The following ANKRD6 variants were observed in gnomAD, a reference collection of about 807,000 sequenced individuals.
The protein encoded by ANKRD6 is ankyrin repeat domain-containing protein 6.
ANKRD6 carries 56 observed loss-of-function variants against 82.3 expected under a neutral mutation model. The ratio of observed to expected loss-of-function variants is 0.68; its 90% confidence interval spans 0.55 to 0.85. The LOEUF (loss-of-function observed/expected upper bound fraction) is 0.85. Among genes scored for constraint, ANKRD6 ranks in the 40% least tolerant of loss-of-function variants. ANKRD6 has a pLI of 0.00. For missense variants in ANKRD6, 852 were observed against 907.6 expected (o/e 0.94, Z 0.79); for synonymous variants, 347 against 352.1 (o/e 0.99, Z 0.16).
chr6:89,450,389 A>G lies in ANKRD6; in HGVS notation c.-144+17014A>G, dbSNP rs183105012. Among the ~76,000 whole-genome samples the G allele has an allele frequency of 1.7e-3, 253 of 152,220 alleles. 1 individual carries two copies. Among genetic ancestry groups the G allele is most frequent in the African/African-American group, 5.9e-3 (243 of 41,520 alleles). ...ATGAAATTGCAACAGCCACCCCAAC[A>G]TTCAACAACGATCACCCTGATCAGT... is the stretch of plus-strand genomic sequence containing the variant. On this transcript the variant is annotated intron_variant, in intron 1 of 15. Coordinates refer to ENST00000339746, the MANE Select transcript of ANKRD6 (RefSeq NM_001242809.2).
intron 2 of ANKRD6, among the ~76,000 whole-genome samples, chr6:89,574,979 G>T (rs1420300963): frequency 6.6e-6 from 1 of 152,204 alleles, no homozygotes; most frequent in Non-Finnish European, 1.5e-5. Context: ...TTTATGCTTA[G>T]GTTCAAAAGA....
intron 2 of ANKRD6, among the ~76,000 whole-genome samples, chr6:89,588,799 A>T (rs538912727): frequency 6.6e-6 from 1 of 152,192 alleles, no homozygotes; most frequent in South Asian, 2.1e-4. Context: ...TGAGGTCAGG[A>T]GTTCGAGACC....
At chr6:89,593,457 C>T (rs1029563090) in intron 2 of ANKRD6, among the ~76,000 whole-genome samples, 2 of 152,226 alleles carry the variant, frequency 1.3e-5, no homozygotes, top group African/African-American at 2.4e-5. Context: ...AAAGGTCACT[C>T]TTCATCTCAG....
At chr6:89,630,384 C>T (rs1483299124) in intron 15 of ANKRD6, 49 bp from the exon 16 acceptor site, 3 of 1,568,750 alleles carry the variant, frequency 1.9e-6, no homozygotes, top group Non-Finnish European at 2.6e-6. Context: ...AGCCATATGA[C>T]TGTGTGAATG....
In ANKRD6 at chr6:89,631,134, A is replaced by G. The variant is rs1807322457; in HGVS notation, c.*130A>G. 4.3e-6 allele frequency: 6 copies of G among 1,391,458 alleles called. No individual in the cohort carries two copies. Among genetic ancestry groups the G allele is most frequent in the Non-Finnish European group, 5.6e-6 (6 of 1,072,376 alleles). 86.2% of individuals were successfully genotyped at this position (1,391,458 alleles called of 1,614,324 possible). On this transcript the variant is annotated 3_prime_UTR_variant, in exon 16 of 16. Coordinates refer to ENST00000339746, the MANE Select transcript of ANKRD6 (RefSeq NM_001242809.2). ...CCTTTTTAAAAAAATCACTAATTCT[A>G]CAATGTGCCAGATACATGTTTCCTA...
chr6:89,607,923 C>T (rs1333307115), intron 5 of ANKRD6, among the ~76,000 whole-genome samples: 3 of 104,068 alleles, frequency 2.9e-5, no homozygotes, highest in Non-Finnish European at 6.0e-5. Flanking sequence ...TGGGCATGTG[C>T]CCCCACGCCT....
intron 1 of ANKRD6, among the ~76,000 whole-genome samples, chr6:89,549,931 A>T (rs1462508983): frequency 1.3e-5 from 2 of 152,052 alleles, no homozygotes; most frequent in Non-Finnish European, 2.9e-5. Flanking sequence ...AGAAAAGAAA[A>T]AAAAAGAAAA....
intron 1 of ANKRD6, among the ~76,000 whole-genome samples, chr6:89,531,090 A>G (rs1783084849): frequency 6.6e-6 from 1 of 152,218 alleles, no homozygotes; most frequent in Non-Finnish European, 1.5e-5. Context: ...TTGTGGCTGC[A>G]CACCTCAGAG....
At chr6:89,563,509 A>G (rs1185192025) in intron 1 of ANKRD6, among the ~76,000 whole-genome samples, 3 of 152,214 alleles carry the variant, frequency 2.0e-5, no homozygotes, top group Non-Finnish European at 4.4e-5. Context: ...TACATTTCTC[A>G]CTGCCAGCAA....
intron 1 of ANKRD6, among the ~76,000 whole-genome samples, chr6:89,461,303 A>G (rs1448083116): frequency 6.6e-6 from 1 of 152,198 alleles, no homozygotes; most frequent in African/African-American, 2.4e-5. Context: ...TGAAATTGGG[A>G]TAAGCAGTTT....
intron 1 of ANKRD6, among the ~76,000 whole-genome samples, chr6:89,528,723 A>G (rs1328659840): frequency 6.6e-6 from 1 of 152,226 alleles, no homozygotes; most frequent in Non-Finnish European, 1.5e-5. Context: ...TACAAAATGT[A>G]TTAAGACTTG....
intron 1 of ANKRD6, among the ~76,000 whole-genome samples, chr6:89,530,679 C>T (rs906462940): frequency 2.6e-5 from 4 of 152,286 alleles, no homozygotes; most frequent in African/African-American, 9.6e-5. Flanking sequence ...CAGTCAGGGC[C>T]AGCAGGAAGG....
intron 2 of ANKRD6, among the ~76,000 whole-genome samples, chr6:89,574,493 A>G (rs1473291336): frequency 1.3e-5 from 2 of 152,366 alleles, no homozygotes; most frequent in African/African-American, 4.8e-5. Flanking sequence ...CTAAGTGGAC[A>G]TAAAATATTG....
chr6:89,444,918 A>G (rs1353864373), intron 1 of ANKRD6, among the ~76,000 whole-genome samples: 2 of 152,150 alleles, frequency 1.3e-5, no homozygotes, highest in Admixed American at 1.3e-4. Flanking sequence ...CAGTGAGCCA[A>G]GATCACACCA....
At chr6:89,617,052 C>T (rs1801753526) in intron 8 of ANKRD6, 1 of 407,712 alleles carries the variant, frequency 2.5e-6, no homozygotes, top group African/African-American at 2.0e-5. Context: ...ACTCCTTTCT[C>T]TTCCACTTTG....
intron 5 of ANKRD6, among the ~76,000 whole-genome samples, chr6:89,611,614 CA>C (rs1359424134): frequency 1.3e-5 from 2 of 152,148 alleles, no homozygotes; most frequent in African/African-American, 4.8e-5. Context: ...AAGAAGGACC[CA>C]AAAAGCAAGA....
chr6:89,548,234 C>T (rs1785363414), intron 1 of ANKRD6, among the ~76,000 whole-genome samples: 1 of 152,210 alleles, frequency 6.6e-6, no homozygotes, highest in Admixed American at 6.5e-5. Context: ...TACTTTCCAT[C>T]TCTATGGATT....
intron 1 of ANKRD6, among the ~76,000 whole-genome samples, chr6:89,459,302 T>G: frequency 6.6e-6 from 1 of 152,180 alleles, no homozygotes; most frequent in East Asian, 1.9e-4. Context: ...GGTCTCGAAC[T>G]CCCGACCTCA....
chr6:89,603,528 G>T (rs541845448), intron 4 of ANKRD6, among the ~76,000 whole-genome samples: 4 of 152,110 alleles, frequency 2.6e-5, no homozygotes, highest in South Asian at 2.1e-4. Flanking sequence ...TATGGCACCA[G>T]TGACAACCAC....
Sources: gnomAD v4.1 joint callset for allele counts (sites outside exome capture counted in the v4.1 genomes callset) on GRCh38, gnomAD v4.1.1 for gene constraint, MANE v1.5 for transcripts, NCBI Gene and HGNC (gene_info 2026-07-23, HGNC 2026-07-21) for gene names.